COPS5: variants seen among roughly 807,000 people sequenced by gnomAD.
COPS5 encodes the protein COP9 signalosome subunit 5.
In COPS5, 8 loss-of-function variants were observed where a neutral mutation model predicts 44.4. That is an observed-to-expected ratio of 0.18 (90% CI 0.11 to 0.32). The LOEUF is 0.32. Among genes scored for constraint, COPS5 ranks in the 10% least tolerant of loss-of-function variants. The pLI is 1.00. For missense variants in COPS5, 159 were observed against 406.4 expected (o/e 0.39, Z 5.23); for synonymous variants, 122 against 142.8 (o/e 0.85, Z 1.04).
intron 5 of COPS5, among the ~76,000 whole-genome samples, chr8:67,052,252 G>A (rs1804425906): frequency 6.6e-6 from 1 of 152,050 alleles, no homozygotes; most frequent in South Asian, 2.1e-4. Flanking sequence ...GGAGAGCAAG[G>A]AGGGCATTAG....
chr8:67,056,130 T>C (rs538783104), intron 5 of COPS5, among the ~76,000 whole-genome samples: 23 of 152,028 alleles, frequency 1.5e-4, no homozygotes, highest in African/African-American at 3.4e-4. Context: ...AAAAGGCAAA[T>C]GACATGCTAG....
chr8:67,050,023 CGGAGTCTCACTCTTTCACCTAGGCT>C, intron 6 of COPS5, among the ~76,000 whole-genome samples: 1 of 134,716 alleles, frequency 7.4e-6, no homozygotes, highest in South Asian at 2.3e-4. Context: ...TTTTTTGAGA[CGGAGTCTCACTCTTTCACCTAGGCT>C]GGAGTGCAGT....
At chr8:67,050,541 G>A (rs74394509) in intron 6 of COPS5, among the ~76,000 whole-genome samples, 5,351 of 149,868 alleles carry the variant, frequency 0.036, 194 homozygotes, top group African/African-American at 0.084. Context: ...AGTTTTGCCC[G>A]GAAATATGTG....
At chr8:67,059,129 G>T in intron 2 of COPS5, 82 bp downstream of exon 2, 1 of 834,484 alleles carries the variant, frequency 1.2e-6, no homozygotes, top group East Asian at 2.7e-5. Flanking sequence ...ATGTAAAGGG[G>T]ATAATTTTAA....
chr8:67,047,694 A>G, intron 6 of COPS5: 2 of 627,406 alleles, frequency 3.2e-6, no homozygotes, highest in East Asian at 5.5e-5. Context: ...CCTTTTCTTG[A>G]TTATTAATGT....
rs764062966 is a variant in COPS5, at chr8:67,059,262, A to G, written c.327T>C (p.Ala109=). 3.7e-6 allele frequency: 6 copies of G among 1,614,188 alleles called. No homozygotes were observed. Among genetic ancestry groups the G allele is most frequent in the Non-Finnish European group, 5.1e-6 (6 of 1,180,022 alleles). The change falls in exon 2 of 8, where the codon GCT becomes GCC. Residue 109 remains alanine, a synonymous_variant. Transcript: ENST00000357849. The part of the protein sequence containing the change: ...PVEGTETRVN[A]QAAAYEYMAA... Reference sequence around the variant, plus strand: ...CCATGTATTCATATGCAGCAGCCTGAGCATTTACTCGGGTTTCAGTGCCCT... The same window carrying G: ...CCATGTATTCATATGCAGCAGCCTGGGCATTTACTCGGGTTTCAGTGCCCT...
Position 67,045,865 on chromosome 8 carries a change from T to C in COPS5, c.867A>G (p.Leu289=). ...CTTCTGATTTTCGGTCATGCGTTTCTAAACCCAACATGAAACTCCCTCGTC... is the reference window on the plus strand; with the variant it reads ...CTTCTGATTTTCGGTCATGCGTTTCCAAACCCAACATGAAACTCCCTCGTC... ...QLGRGSFMLG[L]ETHDRKSEDK... is the part of the protein sequence containing the mutation. Residue 289 remains leucine, a synonymous_variant, in exon 7 of 8, where the codon TTA becomes TTG. Coordinates refer to ENST00000357849, the MANE Select transcript of COPS5 (RefSeq NM_006837.3). 1 of 1,614,196 alleles carries C rather than the reference T, an allele frequency of 6.2e-7. No individual in the cohort carries two copies. Among genetic ancestry groups the C allele is most frequent in the Non-Finnish European group, 8.5e-7 (1 of 1,180,020 alleles).
chr8:67,052,702 G>A (rs1425317760), intron 5 of COPS5, among the ~76,000 whole-genome samples: 1 of 151,318 alleles, frequency 6.6e-6, no homozygotes, highest in East Asian at 2.0e-4. Context: ...CACAGTGCTC[G>A]GCCAAACTTT....
At chr8:67,050,511 A>T (rs976076116) in intron 6 of COPS5, among the ~76,000 whole-genome samples, 1 of 151,864 alleles carries the variant, frequency 6.6e-6, no homozygotes, top group Non-Finnish European at 1.5e-5. Flanking sequence ...TGATTAAGTA[A>T]AGCCAGTCAG....
At position 67,059,302 on chromosome 8, in the gene COPS5, A is replaced by G; in HGVS notation, c.287T>C (p.Phe96Ser). The stretch of plus-strand genomic sequence containing the variant: ...TTCAGTGCCCTCCACAGGCAAAGCA[A>G]AACTGTCCATAATGATCATGGTTTC... Reference protein sequence around the residue: ...DGETMIIMDSFALPVEGTETR... With the variant: ...DGETMIIMDSSALPVEGTETR... Residue 96 changes from phenylalanine to serine, a missense_variant, in exon 2 of 8, where the codon TTT (phenylalanine) becomes TCT (serine). Coordinates refer to ENST00000357849, the MANE Select transcript of COPS5 (RefSeq NM_006837.3). 6.2e-7 allele frequency: 1 copy of G among 1,614,222 alleles called. No homozygotes were observed. The highest frequency in any genetic ancestry group is 8.5e-7 in the Non-Finnish European group (1 of 1,180,032).
intron 6 of COPS5, among the ~76,000 whole-genome samples, chr8:67,046,824 C>CAAAAAAAAAAAAAAAAAAAAAAAA (rs771868140): frequency 2.3e-5 from 1 of 43,726 alleles, no homozygotes; most frequent in Non-Finnish European, 4.1e-5. Context: ...ACTCTGTCTC[C>CAAAAAAAAAAAAAAAAAAAAAAAA]AAAAAAAAAA....
intron 2 of COPS5, among the ~76,000 whole-genome samples, chr8:67,058,438 A>G (rs943518128): frequency 1.3e-5 from 2 of 152,186 alleles, no homozygotes; most frequent in Non-Finnish European, 2.9e-5. Flanking sequence ...AACACACACA[A>G]TAGCATACCA....
Position 67,062,014 on chromosome 8 carries a change from AGTT to A in COPS5, c.-21_-19del. The stretch of plus-strand genomic sequence containing the variant: ...GCCGCCATCGCCGAGGAAGCGGAGA[AGTT>A]GTCGTCTCTACAACCAAGACGCAAC... On this transcript the variant is annotated 5_prime_UTR_variant, in exon 1 of 8. Coordinates refer to ENST00000357849, the MANE Select transcript of COPS5 (RefSeq NM_006837.3). 2 of 1,614,184 alleles carry A rather than the reference AGTT, an allele frequency of 1.2e-6. No homozygotes were observed. Among genetic ancestry groups the A allele is most frequent in the Non-Finnish European group, 1.7e-6 (2 of 1,180,032 alleles).
At chr8:67,058,900 A>G (rs1331067696) in intron 2 of COPS5, among the ~76,000 whole-genome samples, 1 of 151,338 alleles carries the variant, frequency 6.6e-6, no homozygotes, top group Non-Finnish European at 1.5e-5. Context: ...GCTACTCAGG[A>G]GGCTGAGGAG....
intron 5 of COPS5, among the ~76,000 whole-genome samples, chr8:67,052,828 A>G (rs1322157958): frequency 6.6e-6 from 1 of 151,778 alleles, no homozygotes; most frequent in Non-Finnish European, 1.5e-5. Context: ...CTTAAAAAAA[A>G]AAAAAAAAAG....
At chr8:67,058,304 T>A (rs1328009798) in intron 2 of COPS5, 93 bp from the exon 3 acceptor site, 9 of 1,264,780 alleles carry the variant, frequency 7.1e-6, no homozygotes, top group Non-Finnish European at 1.0e-5. Flanking sequence ...CCTTCCCATC[T>A]CCTTCTCCTC....
chr8:67,062,108 A>T lies in COPS5; in HGVS notation c.-112T>A. On this transcript the variant is annotated 5_prime_UTR_variant, in exon 1 of 8. It removes the in-frame stop codon of an upstream open reading frame in the 5' UTR. Transcript: ENST00000357849. ...GCACCACGGGAACAAACTCTTACCT[A>T]GACTCTTGGGGCAGCCATGACACCT... The T allele has an allele frequency of 6.4e-7, 1 of 1,564,526 alleles. No homozygotes were observed. Among genetic ancestry groups the T allele is most frequent in the Non-Finnish European group, 8.6e-7 (1 of 1,158,784 alleles).
At chr8:67,051,877 A>T (rs911555689) in intron 5 of COPS5, among the ~76,000 whole-genome samples, 1 of 152,210 alleles carries the variant, frequency 6.6e-6, no homozygotes, top group Non-Finnish European at 1.5e-5. Flanking sequence ...GGGCATAGTA[A>T]GGAAAAATCT....
At chr8:67,052,204 G>A (rs1318880674) in intron 5 of COPS5, among the ~76,000 whole-genome samples, 2 of 152,130 alleles carry the variant, frequency 1.3e-5, no homozygotes, top group East Asian at 1.9e-4. Flanking sequence ...AAGGCAAGGT[G>A]TAGGGTAAAC....
Sources: gnomAD v4.1 joint callset for allele counts (sites outside exome capture counted in the v4.1 genomes callset) on GRCh38, gnomAD v4.1.1 for gene constraint, MANE v1.5 for transcripts, NCBI Gene and HGNC (gene_info 2026-07-23, HGNC 2026-07-21) for gene names.